The following UCP1 variants were observed in gnomAD, a reference collection of about 807,000 sequenced individuals.
UCP1 encodes the protein mitochondrial brown fat uncoupling protein 1.
UCP1 carries 24 observed loss-of-function variants against 26.2 expected under a neutral mutation model. The observed-to-expected ratio is 0.92, with a 90% CI of 0.66 to 1.29. The LOEUF (loss-of-function observed/expected upper bound fraction) is 1.29, where lower values mean the gene tolerates loss of function less well. UCP1 is among the 50% of genes most tolerant of loss of function. UCP1 has a pLI of 0.00. For synonymous variants in UCP1, 164 were observed against 156.8 expected, an observed-to-expected ratio of 1.05 and a Z score of -0.34; for missense variants, 402 against 388.7, an observed-to-expected ratio of 1.03 and a Z score of -0.29.
At position 140,568,624 on chromosome 4, in the gene UCP1, T is replaced by C; in HGVS notation, c.106A>G (p.Thr36Ala). 1 of 1,613,458 alleles carries C rather than the reference T, an allele frequency of 6.2e-7. No individual in the cohort carries two copies. ...GCTACCTGGAGCCGGACTTTGGCCGTGTCCAGCGGGAAGGTGATCACGTCC... is the reference window on the plus strand; with the variant it reads ...GCTACCTGGAGCCGGACTTTGGCCGCGTCCAGCGGGAAGGTGATCACGTCC... ...LADVITFPLD[T>A]AKVRLQVQGE... The change falls in exon 1 of 6, where the codon ACG becomes GCG. Residue 36 changes from threonine (T) to alanine (A), a missense_variant. Transcript: ENST00000262999.
chr4:140,562,740 C>T (rs1735706053), intron 4 of UCP1, among the ~76,000 whole-genome samples: 1 of 151,610 alleles, frequency 6.6e-6, no homozygotes, highest in African/African-American at 2.4e-5. Context: ...TGGATGAGAC[C>T]ACTGATAAGC....
intron 3 of UCP1, 44 bp downstream of exon 3, chr4:140,563,274 G>T: frequency 1.2e-6 from 2 of 1,612,008 alleles, no homozygotes; most frequent in Non-Finnish European, 1.7e-6. Flanking sequence ...CTAGTTGTAT[G>T]TATGTGCTTT....
chr4:140,565,146 C>T (rs941723452), intron 2 of UCP1, among the ~76,000 whole-genome samples: 2 of 152,176 alleles, frequency 1.3e-5, no homozygotes, highest in African/African-American at 4.8e-5. Context: ...GAATCATGTG[C>T]CTACTGGCCA....
rs747261064 is a variant in UCP1 at position 140,563,355 on chromosome 4, T to A, written c.489A>T (p.Ile163=). ...CCGTCAAGCCTTCGGTTGTTGCTATTATTCTGTACGCATTATAAGTCCCCG... is the reference window on the plus strand; with the variant it reads ...CCGTCAAGCCTTCGGTTGTTGCTATAATTCTGTACGCATTATAAGTCCCCG... The part of the protein sequence containing the change: ...RYTGTYNAYR[I]IATTEGLTGL... Residue 163 remains isoleucine, a synonymous_variant, in exon 3 of 6, where the codon ATA becomes ATT. Transcript: ENST00000262999. 6.2e-7 allele frequency: 1 copy of A among 1,614,216 alleles called. No homozygotes were observed. Among genetic ancestry groups the A allele is most frequent in the Non-Finnish European group, 8.5e-7 (1 of 1,180,030 alleles).
Position 140,567,738 on chromosome 4 carries a change from C to G in UCP1, c.325+41G>C, listed in dbSNP as rs45489596. On this transcript the variant is annotated intron_variant, in intron 2 of 5. Coordinates refer to ENST00000262999, the MANE Select transcript of UCP1 (RefSeq NM_021833.5). ...TACACTTTTTGGAACAGAGCGGAGC[C>G]CAAGGCTTTTCTGCCCCTCCCAGGA... is the stretch of plus-strand genomic sequence containing the variant. 4.4e-4 allele frequency: 717 copies of G among 1,611,720 alleles called. No individual in the cohort carries two copies. The African/African-American group carries it at 8.6e-3, about 19-fold the overall frequency.
intron 5 of UCP1, among the ~76,000 whole-genome samples, chr4:140,560,597 C>G (rs1015333462): frequency 5.9e-5 from 9 of 152,104 alleles, no homozygotes; most frequent in African/African-American, 1.9e-4. Flanking sequence ...AGTGCTGTCT[C>G]AATCTTGACG....
At position 140,563,528 on chromosome 4, in the gene UCP1, GAGAAAAAAAATTATTA is replaced by G. The variant is rs759976240; in HGVS notation, c.326-26_326-11del. 15 of 1,609,162 alleles carry G rather than the reference GAGAAAAAAAATTATTA, an allele frequency of 9.3e-6. No homozygotes were observed. The South Asian group carries it at 1.6e-4, about 17-fold the overall frequency. On this transcript the variant is annotated splice_polypyrimidine_tract_variant and intron_variant, in intron 2 of 5. Transcript: ENST00000262999. ...CCTAAACTAGGTGCTGCTATCCAGA[GAGAAAAAAAATTATTA>G]AGAAAAAAAATTAAAGACCTAGAAT... is the stretch of plus-strand genomic sequence containing the variant.
rs1423134302 is a variant in UCP1, at chr4:140,567,843, G to C, written c.261C>G (p.Ser87Arg). 2 of 1,614,038 alleles carry C rather than the reference G, an allele frequency of 1.2e-6. No homozygotes were observed. Among genetic ancestry groups the C allele is most frequent in the Non-Finnish European group, 1.7e-6 (2 of 1,180,024 alleles). ...GLPAGLQRQI[S>R]SASLRIGLYD... is the part of the protein sequence containing the mutation. The stretch of plus-strand genomic sequence containing the variant: ...AGAGGCCGATCCTGAGAGAGGCGGA[G>C]CTGATTTGCCGCTGAAGCCCCGCAG... The change falls in exon 2 of 6, where the codon AGC (serine) becomes AGG (arginine). Residue 87 changes from serine to arginine, a missense_variant. Physicochemically the swap from Ser to Arg is moderately radical, Grantham distance 110. Transcript: ENST00000262999.
chr4:140,560,971 C>A (rs551918959), intron 5 of UCP1, among the ~76,000 whole-genome samples: 20 of 152,106 alleles, frequency 1.3e-4, no homozygotes, highest in Non-Finnish European at 2.2e-4. Flanking sequence ...TAAGTGTAAT[C>A]ATACAGTATT....
chr4:140,568,117 G>A (rs2110918234), intron 1 of UCP1, 140 bp from the exon 2 acceptor site: 1 of 289,946 alleles, frequency 3.4e-6, no homozygotes, highest in African/African-American at 7.3e-5. Flanking sequence ...CCGTGTGTGT[G>A]TGTGTGTGTG....
chr4:140,559,713 G>GGA lies in UCP1; in HGVS notation c.*182_*183insTC. ...TGCTTTCCCCTTCTTAAGACACTGA[G>GGA]AAAAAAAAAAAGTTATATGAAATAG... On this transcript the variant is annotated 3_prime_UTR_variant, in exon 6 of 6. Transcript: ENST00000262999. 1 of 522,170 alleles carries GGA rather than the reference G, an allele frequency of 1.9e-6. No individual in the cohort carries two copies. Among genetic ancestry groups the GGA allele is most frequent in the Non-Finnish European group, 3.3e-6 (1 of 298,712 alleles). 32.3% of individuals were successfully genotyped at this position (522,170 alleles called of 1,614,324 possible). A position where few individuals can be genotyped will look rare whatever the true frequency, so the allele number is the denominator to read the frequency against.
chr4:140,564,898 T>A (rs1305108714), intron 2 of UCP1, among the ~76,000 whole-genome samples: 1 of 152,176 alleles, frequency 6.6e-6, no homozygotes, highest in Non-Finnish European at 1.5e-5. Flanking sequence ...AAACATATTG[T>A]TTGTCTTTAC....
rs1230351898 is a variant in UCP1, at chr4:140,563,475, A to T, written c.369T>A (p.Thr123=). 6.2e-7 allele frequency: 1 copy of T among 1,614,180 alleles called. No homozygotes were observed. The highest frequency in any genetic ancestry group is 1.7e-5 in the Admixed American group (1 of 60,020). Reference sequence around the variant, plus strand: ...GCCCAATGAATACTGCCACTCCTCCAGTCGTTAGACCAGCTAAAATCTTGC... The same window carrying T: ...GCCCAATGAATACTGCCACTCCTCCTGTCGTTAGACCAGCTAAAATCTTGC... The part of the protein sequence containing the change: ...LGSKILAGLT[T]GGVAVFIGQP... Residue 123 remains threonine (T), a synonymous_variant, in exon 3 of 6, where the codon ACT becomes ACA. Coordinates refer to ENST00000262999, the MANE Select transcript of UCP1 (RefSeq NM_021833.5).
intron 2 of UCP1, among the ~76,000 whole-genome samples, chr4:140,564,224 C>T (rs1735750994): frequency 6.6e-6 from 1 of 152,066 alleles, no homozygotes; most frequent in Admixed American, 6.6e-5. Context: ...ACTTGGTGGC[C>T]TTAGATGAAG....
In UCP1 at chr4:140,562,338, C is replaced by A. The variant is rs765244655; in HGVS notation, c.664G>T (p.Ala222Ser). ...GACATAGCTGTTGCGCAAAATCCAG[C>A]GATAAGAGCCGACACCAAGTGGCAG... is the stretch of plus-strand genomic sequence containing the variant. ...VPCHLVSALI[A>S]GFCATAMSSP... The change falls in exon 5 of 6, where the codon GCT (alanine) becomes TCT (serine). Residue 222 changes from alanine to serine, a missense_variant. Transcript: ENST00000262999. The A allele has an allele frequency of 1.2e-6, 2 of 1,613,868 alleles. No individual in the cohort carries two copies. The highest frequency in any genetic ancestry group is 1.3e-5 in the African/African-American group (1 of 74,868).
chr4:140,562,428 A>G, intron 4 of UCP1, 55 bp from the exon 5 acceptor site: 2 of 1,576,080 alleles, frequency 1.3e-6, no homozygotes, highest in Non-Finnish European at 1.7e-6. Flanking sequence ...CTTGCAATTT[A>G]GTTATCTGTC....
intron 4 of UCP1, 69 bp from the exon 5 acceptor site, chr4:140,562,442 T>A: frequency 6.6e-7 from 1 of 1,516,548 alleles, no homozygotes; most frequent in South Asian, 1.2e-5. Context: ...ATCTGTCATA[T>A]CTTTATAAAC....
At position 140,559,926 on chromosome 4, in the gene UCP1, C is replaced by CT. The variant is rs768268403; in HGVS notation, c.893dup (p.Ser299ValfsTer18). 1.2e-6 allele frequency: 2 copies of CT among 1,613,950 alleles called. No homozygotes were observed. The highest frequency in any genetic ancestry group is 1.7e-6 in the Non-Finnish European group (2 of 1,180,000). On this transcript the variant is annotated frameshift_variant, in exon 6 of 6. Transcript: ENST00000262999. LOFTEE classifies it high-confidence loss of function. ...TGGCACAGTCCATAGTCTGCCTTGA[C>CT]TTTGACAGTTCTCGTTTCAGTTGTT...
rs144354281 is a variant in UCP1 at position 140,565,846 on chromosome 4, AC to A, written c.325+1932del. 7.4e-3 allele frequency among the ~76,000 whole-genome samples: 1,133 copies of A among 152,266 alleles called. 10 individuals are homozygous for A. The highest frequency in any genetic ancestry group is 0.027 in the African/African-American group (1,102 of 41,550). ...TTAATATAGCCACCATCTTGTAATT[AC>A]AGTTAGTCATGTGCTGCATACATGA... On this transcript the variant is annotated intron_variant, in intron 2 of 5. Transcript: ENST00000262999.
Sources: gnomAD v4.1 joint callset for allele counts (sites outside exome capture counted in the v4.1 genomes callset) on GRCh38, gnomAD v4.1.1 for gene constraint, MANE v1.5 for transcripts, NCBI Gene and HGNC (gene_info 2026-07-23, HGNC 2026-07-21) for gene names.